CDK11B: variants seen among roughly 807,000 people sequenced by gnomAD.
The protein encoded by CDK11B is cyclin dependent kinase 11B.
A neutral mutation model predicts 84.0 loss-of-function variants in CDK11B; 37 were observed. That is an observed-to-expected ratio of 0.44 (90% CI 0.34 to 0.58). CDK11B has a LOEUF of 0.58. CDK11B is among the 20% of genes least tolerant of loss of function. The pLI is 0.02. For synonymous variants in CDK11B, 269 were observed against 309.8 expected (o/e 0.87, Z 1.38); for missense variants, 427 against 834.0 (o/e 0.51, Z 6.01).
intron 11 of CDK11B, among the ~76,000 whole-genome samples, chr1:1,639,378 C>A (rs1377796498): frequency 1.3e-5 from 2 of 151,728 alleles, no homozygotes. Context: ...GATTAAGCCA[C>A]TCCACTCCGG....
Position 1,650,268 on chromosome 1 carries a change from C to CAA in CDK11B, c.356-633_356-632dup, listed in dbSNP as rs1212256890. 4.8e-4 allele frequency among the ~76,000 whole-genome samples: 22 copies of CAA among 45,784 alleles called. 1 individual carries two copies. The highest frequency in any genetic ancestry group is 1.4e-3 in the African/African-American group (16 of 11,252). The allele number at this position is 45,784 out of a possible 152,430, so 30.0% of individuals were successfully genotyped here. On this transcript the variant is annotated intron_variant, in intron 4 of 19. Transcript: ENST00000341832. ...CTGGGTGACAAGCAAGACTCCGTCC[C>CAA]AAAAAAAAAAAAAAAAGAAATTAAA...
At chr1:1,656,204 A>C (rs1642725444) in intron 2 of CDK11B, among the ~76,000 whole-genome samples, 1 of 151,974 alleles carries the variant, frequency 6.6e-6, no homozygotes, top group Non-Finnish European at 1.5e-5. Flanking sequence ...AGTTTGGTTT[A>C]GGTCAGGCAT....
chr1:1,645,176 C>CGCTCCTTCTGCTCCCGCT lies in CDK11B; in HGVS notation c.563_580dup (p.Gln188_Glu193dup), dbSNP rs767569779. The stretch of plus-strand genomic sequence containing the variant: ...GCGCCGCTCCTCTGCCCGCCGCTCG[C>CGCTCCTTCTGCTCCCGCT]GCTCCTTCTGCTCCCGCTGCTCCTT... On this transcript the variant is annotated inframe_insertion, in exon 6 of 20. Coordinates refer to ENST00000341832, the MANE Select transcript of CDK11B (RefSeq NM_033486.3). The CGCTCCTTCTGCTCCCGCT allele has an allele frequency of 1.3e-5, 9 of 710,022 alleles. No individual in the cohort carries two copies. Among genetic ancestry groups the CGCTCCTTCTGCTCCCGCT allele is most frequent in the African/African-American group, 9.0e-5 (1 of 11,158 alleles). The allele number at this position is 710,022 out of a possible 1,614,324, so 44.0% of individuals were successfully genotyped here. A position where few individuals can be genotyped will look rare whatever the true frequency, so the allele number is the denominator to read the frequency against.
intron 11 of CDK11B, among the ~76,000 whole-genome samples, chr1:1,639,495 G>C (rs1315364002): frequency 6.6e-6 from 1 of 151,888 alleles, no homozygotes; most frequent in Non-Finnish European, 1.5e-5. Flanking sequence ...ACTGAGGACG[G>C]GCCCTACCTG....
intron 4 of CDK11B, among the ~76,000 whole-genome samples, chr1:1,650,057 A>G (rs1267126580): frequency 6.6e-6 from 1 of 150,834 alleles, no homozygotes; most frequent in African/African-American, 2.4e-5. Flanking sequence ...GCGGATCACA[A>G]GGTCAGATCG....
chr1:1,657,607 T>C, intron 1 of CDK11B, 109 bp from the exon 2 acceptor site: 2 of 807,894 alleles, frequency 2.5e-6, no homozygotes, highest in Non-Finnish European at 3.6e-6. Flanking sequence ...TCATTAAGAA[T>C]AAGAAGTTGT....
At position 1,636,990 on chromosome 1, in the gene CDK11B, C is replaced by A; in HGVS notation, c.1707G>T (p.Gly569=). The A allele has an allele frequency of 1.2e-6, 2 of 1,612,048 alleles. No individual in the cohort carries two copies. Among genetic ancestry groups the A allele is most frequent in the Non-Finnish European group, 1.7e-6 (2 of 1,178,966 alleles). ...GAGGGGATCCGTACTCCCGCGCCAGCCCGAAGTCACCCACCTGCAACGACA... is the reference window on the plus strand; with the variant it reads ...GAGGGGATCCGTACTCCCGCGCCAGACCGAAGTCACCCACCTGCAACGACA... ...HAGILKVGDF[G]LAREYGSPLK... Residue 569 remains glycine, a synonymous_variant, in exon 16 of 20, where the codon GGG becomes GGT. Transcript: ENST00000341832.
At chr1:1,641,304 T>A (rs1264570049) in intron 9 of CDK11B, among the ~76,000 whole-genome samples, 191 bp from the exon 10 acceptor site, 2 of 146,736 alleles carry the variant, frequency 1.4e-5, no homozygotes, top group African/African-American at 4.9e-5. Flanking sequence ...AGGTCAGGAG[T>A]TCGAGACCAT....
In CDK11B at chr1:1,649,565, T is replaced by C; in HGVS notation, c.428A>G (p.Lys143Arg). The C allele has an allele frequency of 6.2e-7, 1 of 1,606,140 alleles. No homozygotes were observed. Among genetic ancestry groups the C allele is most frequent in the Non-Finnish European group, 8.5e-7 (1 of 1,172,836 alleles). The change falls in exon 5 of 20, where the codon AAA (lysine) becomes AGA (arginine). Residue 143 changes from lysine (K) to arginine (R), a missense_variant. Around this residue, in one of 12 missense-constraint regions of CDK11B, gnomAD observed 71 missense variants for 66.2 expected, o/e 1.07. Coordinates refer to ENST00000341832, the MANE Select transcript of CDK11B (RefSeq NM_033486.3). ...RRKRHREEQD[K>R]ARREWERQKR... is the part of the protein sequence containing the mutation. Reference sequence around the variant, plus strand: ...CTGTCTTTCCCATTCCCGGCGAGCTTTATCCTGTTCTTCTCGATGCCGTTT... The same window carrying C: ...CTGTCTTTCCCATTCCCGGCGAGCTCTATCCTGTTCTTCTCGATGCCGTTT...
chr1:1,650,641 A>G lies in CDK11B; in HGVS notation c.356-1004T>C, dbSNP rs1269298196. Among the ~76,000 whole-genome samples, 3 of 146,464 alleles carry G rather than the reference A, an allele frequency of 2.0e-5. No homozygotes were observed. In the East Asian group the frequency reaches 6.1e-4, roughly 30 times the overall value. ...CGGCCTCCCAAAGTGTGGGGATTAC[A>G]GTTGTGAGCCACCGCGCCCGGCCTT... On this transcript the variant is annotated intron_variant, in intron 4 of 19. Transcript: ENST00000341832.
chr1:1,636,949 G>A lies in CDK11B; in HGVS notation c.1748C>T (p.Pro583Leu). ...EYGSPLKAYT[P>L]VVVTLWYRAP... The stretch of plus-strand genomic sequence containing the variant: ...GCGGTACCACAGGGTCACCACGACC[G>A]GGGTGTAGGCCTTCAGAGGGGATCC... Residue 583 changes from proline (P) to leucine (L), a missense_variant, in exon 16 of 20, where the codon CCG (proline) becomes CTG (leucine). Physicochemically the swap from Pro to Leu is moderately conservative, Grantham distance 98. Around this residue, in one of 12 missense-constraint regions of CDK11B, gnomAD observed 170 missense variants for 196.0 expected, o/e 0.87. Coordinates refer to ENST00000341832, the MANE Select transcript of CDK11B (RefSeq NM_033486.3). 6.2e-7 allele frequency: 1 copy of A among 1,608,552 alleles called. No individual in the cohort carries two copies. Among genetic ancestry groups the A allele is most frequent in the Non-Finnish European group, 8.5e-7 (1 of 1,176,574 alleles).
chr1:1,655,536 C>A (rs1279241153), intron 2 of CDK11B, 52 bp from the exon 3 acceptor site: 2 of 1,507,480 alleles, frequency 1.3e-6, no homozygotes, highest in African/African-American at 2.8e-5. Context: ...TTTTTTTCTT[C>A]ATAGATAAAA....
Position 1,637,022 on chromosome 1 carries a change from C to G in CDK11B, c.1693-18G>C, listed in dbSNP as rs146043578. On this transcript the variant is annotated intron_variant, in intron 15 of 19. Coordinates refer to ENST00000341832, the MANE Select transcript of CDK11B (RefSeq NM_033486.3). ...TCACCCACCTGCAACGACAGATGGG[C>G]GGCTGTGAGTGGGCCCCGGCAGGTC... The G allele has an allele frequency of 6.2e-7, 1 of 1,612,800 alleles. No individual in the cohort carries two copies. The highest frequency in any genetic ancestry group is 8.5e-7 in the Non-Finnish European group (1 of 1,179,532).
At chr1:1,638,816 C>A (rs1639795200) in intron 11 of CDK11B, among the ~76,000 whole-genome samples, 1 of 152,038 alleles carries the variant, frequency 6.6e-6, no homozygotes, top group African/African-American at 2.4e-5. Flanking sequence ...AAAAGGCCAT[C>A]CCAGCCAGGT....
intron 4 of CDK11B, among the ~76,000 whole-genome samples, chr1:1,652,102 T>G (rs1642095601): frequency 6.8e-6 from 1 of 148,032 alleles, no homozygotes; most frequent in Admixed American, 6.8e-5. Context: ...CTGTGACACA[T>G]GCATGCTTTC....
chr1:1,636,733 C>A lies in CDK11B; in HGVS notation c.1866G>T (p.Lys622Asn). 1 of 1,614,008 alleles carries A rather than the reference C, an allele frequency of 6.2e-7. No individual in the cohort carries two copies. The highest frequency in any genetic ancestry group is 1.1e-5 in the South Asian group (1 of 91,088). The stretch of plus-strand genomic sequence containing the variant: ...TTTCTGACTTCCCGGGGAACAGAGG[C>A]TTCTGAGTCAGCAGCTCCCCGAAGA... ...GCIFGELLTQ[K>N]PLFPGKSEID... The change falls in exon 17 of 20, where the codon AAG (lysine) becomes AAT (asparagine). Residue 622 changes from lysine (K) to asparagine (N), a missense_variant. By Grantham distance (94) the Lys-to-Asn change is moderately conservative. Coordinates refer to ENST00000341832, the MANE Select transcript of CDK11B (RefSeq NM_033486.3).
chr1:1,637,652 G>C, intron 13 of CDK11B, 110 bp downstream of exon 13: 1 of 1,608,850 alleles, frequency 6.2e-7, no homozygotes, highest in South Asian at 1.1e-5. Context: ...GGTCTGTGAA[G>C]GGCTCCACTA....
At chr1:1,654,248 G>A (rs1272354973) in intron 3 of CDK11B, 3 of 440,064 alleles carry the variant, frequency 6.8e-6, no homozygotes, top group Non-Finnish European at 1.4e-5. Context: ...AGGAAGAAAC[G>A]TCGGAACACA....
At chr1:1,639,581 T>A (rs1391780889) in intron 11 of CDK11B, among the ~76,000 whole-genome samples, 1 of 151,816 alleles carries the variant, frequency 6.6e-6, no homozygotes, top group Non-Finnish European at 1.5e-5. Flanking sequence ...AGGCCGGATG[T>A]CATGTACTCG....
Sources: gnomAD v4.1 joint callset for allele counts (sites outside exome capture counted in the v4.1 genomes callset) on GRCh38, gnomAD v4.1.1 for gene constraint, gnomAD v4.1.1 regional missense constraint, MANE v1.5 for transcripts, NCBI Gene and HGNC (gene_info 2026-07-23, HGNC 2026-07-21) for gene names.